The following SEC14L1 variants were observed in gnomAD, a reference collection of about 807,000 sequenced individuals.
The protein encoded by SEC14L1 is SEC14 like lipid binding 1, also known as SEC14-like protein 1.
A neutral mutation model predicts 85.3 loss-of-function variants in SEC14L1; 48 were observed. That is an observed-to-expected ratio of 0.56 (90% CI 0.45 to 0.72). The LOEUF is 0.72. Ranked by LOEUF, SEC14L1 falls within the 30% of genes least tolerant of loss-of-function variation. The probability of loss-of-function intolerance (pLI) is 0.00; values close to 1 mark genes in which losing one functional copy is unlikely to be tolerated. For missense variants in SEC14L1, 682 were observed against 921.4 expected, an observed-to-expected ratio of 0.74 and a Z score of 3.36; for synonymous variants, 391 against 355.5, an observed-to-expected ratio of 1.10 and a Z score of -1.12.
chr17:77,203,053 T>C (rs966936982), intron 9 of SEC14L1, among the ~76,000 whole-genome samples: 10 of 152,194 alleles, frequency 6.6e-5, no homozygotes, highest in Admixed American at 6.5e-4. Flanking sequence ...GAAGCTGGCT[T>C]TTAAAAAGCT....
Position 77,214,914 on chromosome 17 carries a change from C to T in SEC14L1, c.*891C>T, listed in dbSNP as rs995222189. 6.1e-6 allele frequency: 6 copies of T among 985,268 alleles called. No homozygotes were observed. The highest frequency in any genetic ancestry group is 1.2e-4 in the Admixed American group (2 of 16,252). 61.0% of individuals were successfully genotyped at this position (985,268 alleles called of 1,614,324 possible). A position where few individuals can be genotyped will look rare whatever the true frequency, so the allele number is the denominator to read the frequency against. ...CAGACAGTTCCAGCCACTAGGAGGC[C>T]GTCTTGGAACCAGCAAGTCGCATTT... On this transcript the variant is annotated 3_prime_UTR_variant, in exon 17 of 17. Transcript: ENST00000436233.
chr17:77,190,987 G>A lies in SEC14L1; in HGVS notation c.213+35G>A, dbSNP rs149274299. The stretch of plus-strand genomic sequence containing the variant: ...GGAAAGGACGTCTTGGAGGGAAAGG[G>A]CGTCCTGGTGGGAGAGGGCGTCCTG... On this transcript the variant is annotated intron_variant, in intron 4 of 16. Coordinates refer to ENST00000436233, the MANE Select transcript of SEC14L1 (RefSeq NM_001143998.2). The A allele has an allele frequency of 3.1e-6, 5 of 1,607,518 alleles. No individual in the cohort carries two copies. In the African/African-American group the frequency reaches 4.0e-5, roughly 13 times the overall value.
chr17:77,162,237 G>T (rs967397444), intron 3 of SEC14L1, among the ~76,000 whole-genome samples: 1 of 152,188 alleles, frequency 6.6e-6, no homozygotes, highest in Admixed American at 6.5e-5. Context: ...CCGTCTGCCT[G>T]GGTGGGATTC....
rs766487273 is a variant in SEC14L1 at position 77,203,646 on chromosome 17, C to T, written c.1086C>T (p.Ala362=). The T allele has an allele frequency of 6.2e-7, 1 of 1,613,308 alleles. No individual in the cohort carries two copies. The highest frequency in any genetic ancestry group is 2.2e-5 in the East Asian group (1 of 44,860). Residue 362 remains alanine (A), a synonymous_variant, in exon 10 of 17, where the codon GCC becomes GCT. Transcript: ENST00000436233. ...TGGTGAGAGCGCTCGGGGAGGAAGC[C>T]CTGCTGAGATACGTAAGTGCGCGGC... The part of the protein sequence containing the change: ...KGLVRALGEE[A]LLRYVLSINE...
chr17:77,113,272 A>G (rs982256547), intron 3 of SEC14L1, among the ~76,000 whole-genome samples: 15 of 152,234 alleles, frequency 9.9e-5, no homozygotes, highest in Non-Finnish European at 2.9e-5. Flanking sequence ...GTAATATTTT[A>G]AAGTTCTTTT....
At chr17:77,104,822 G>T (rs1262373179) in intron 3 of SEC14L1, among the ~76,000 whole-genome samples, 133 of 144,414 alleles carry the variant, frequency 9.2e-4, no homozygotes, top group Non-Finnish European at 1.2e-3. Context: ...GTTTTTTTTT[G>T]TGTGTGTGTG....
intron 8 of SEC14L1, among the ~76,000 whole-genome samples, chr17:77,198,608 C>T (rs1169391712): frequency 6.6e-6 from 1 of 151,164 alleles, no homozygotes; most frequent in Non-Finnish European, 1.5e-5. Context: ...GGAGTCTCGC[C>T]CTGTCGCCCA....
intron 3 of SEC14L1, among the ~76,000 whole-genome samples, chr17:77,135,473 ATTCT>A (rs1488878467): frequency 1.3e-5 from 2 of 151,894 alleles, no homozygotes; most frequent in African/African-American, 4.8e-5. Flanking sequence ...TTATTCTGTA[ATTCT>A]TTCTTTCTCT....
At chr17:77,146,853 C>G (rs1220051446) in intron 3 of SEC14L1, among the ~76,000 whole-genome samples, 4 of 152,082 alleles carry the variant, frequency 2.6e-5, no homozygotes, top group Non-Finnish European at 5.9e-5. Flanking sequence ...TGTCCTTTGC[C>G]CCCATTTCTT....
intron 3 of SEC14L1, among the ~76,000 whole-genome samples, chr17:77,163,090 T>TGGAGG (rs1289265143): frequency 6.6e-6 from 1 of 152,166 alleles, no homozygotes; most frequent in Non-Finnish European, 1.5e-5. Flanking sequence ...TGTTACTTCC[T>TGGAGG]GGAGGGGATT....
intron 3 of SEC14L1, among the ~76,000 whole-genome samples, chr17:77,164,468 A>G (rs1974202474): frequency 1.3e-5 from 2 of 151,908 alleles, no homozygotes; most frequent in African/African-American, 4.8e-5. Context: ...CTGGGCAGTA[A>G]CCCTTTTTCC....
chr17:77,179,592 T>C (rs991224670), intron 3 of SEC14L1, among the ~76,000 whole-genome samples: 1 of 152,194 alleles, frequency 6.6e-6, no homozygotes, highest in African/African-American at 2.4e-5. Flanking sequence ...CCATGGAGTT[T>C]GAGGTCTTCT....
chr17:77,196,136 A>T, intron 7 of SEC14L1, 66 bp from the exon 8 acceptor site: 1 of 1,273,476 alleles, frequency 7.9e-7, no homozygotes, highest in Non-Finnish European at 1.1e-6. Flanking sequence ...TCCACTGAGC[A>T]CAAAGACTTT....
At chr17:77,170,950 G>A (rs1974499157) in intron 3 of SEC14L1, among the ~76,000 whole-genome samples, 1 of 152,128 alleles carries the variant, frequency 6.6e-6, no homozygotes. Flanking sequence ...TTGTGTTTGG[G>A]AAAGGGATGG....
intron 3 of SEC14L1, among the ~76,000 whole-genome samples, chr17:77,182,350 G>T (rs1319600382): frequency 6.6e-6 from 1 of 152,174 alleles, no homozygotes; most frequent in Non-Finnish European, 1.5e-5. Context: ...AAGTGCTGTT[G>T]CCAGCCTTCC....
intron 3 of SEC14L1, among the ~76,000 whole-genome samples, chr17:77,111,085 C>G (rs531786722): frequency 6.6e-6 from 1 of 150,434 alleles, no homozygotes; most frequent in Non-Finnish European, 1.5e-5. Context: ...CCCAGCTACT[C>G]GGGAAGCTGA....
At chr17:77,138,447 C>G (rs1972856135), upstream of SEC14L1, among the ~76,000 whole-genome samples, 1 of 151,668 alleles carries the variant, frequency 6.6e-6, no homozygotes, top group Non-Finnish European at 1.5e-5. Flanking sequence ...TGGTGAAAGC[C>G]CGTCTCTACT....
chr17:77,117,550 A>C (rs188922665), intron 3 of SEC14L1, among the ~76,000 whole-genome samples: 2 of 152,326 alleles, frequency 1.3e-5, no homozygotes, highest in Admixed American at 6.5e-5. Flanking sequence ...AGGGCTGATG[A>C]ATTAGCATAA....
rs1977139082 is a variant in SEC14L1 at position 77,217,081 on chromosome 17, A to G, written c.*3058A>G. On this transcript the variant is annotated 3_prime_UTR_variant, in exon 17 of 17. Transcript: ENST00000436233. Reference sequence around the variant, plus strand: ...ATTTTTTTATTGTTATCAATAATAAATGTGAACTATTTAAAGAAAAGAATG... The same window carrying G: ...ATTTTTTTATTGTTATCAATAATAAGTGTGAACTATTTAAAGAAAAGAATG... 1.3e-5 allele frequency: 2 copies of G among 153,502 alleles called. No individual in the cohort carries two copies. The highest frequency in any genetic ancestry group is 2.9e-5 in the Non-Finnish European group (2 of 68,594). 9.5% of individuals were successfully genotyped at this position (153,502 alleles called of 1,614,324 possible).
Sources: gnomAD v4.1 joint callset for allele counts (sites outside exome capture counted in the v4.1 genomes callset) on GRCh38, gnomAD v4.1.1 for gene constraint, MANE v1.5 for transcripts, NCBI Gene and HGNC (gene_info 2026-07-23, HGNC 2026-07-21) for gene names.